RHBDL1: variants seen among roughly 807,000 people sequenced by gnomAD.
The protein encoded by RHBDL1 is rhomboid like 1.
In RHBDL1, 21 loss-of-function variants were observed where a neutral mutation model predicts 34.0. The observed-to-expected ratio is 0.62, with a 90% CI of 0.44 to 0.89. The LOEUF (loss-of-function observed/expected upper bound fraction) is 0.89, where lower values mean the gene tolerates loss of function less well. Among genes scored for constraint, RHBDL1 ranks in the 40% least tolerant of loss-of-function variants. RHBDL1 has a pLI of 0.00. For missense variants in RHBDL1, 450 were observed against 530.6 expected (o/e 0.85, Z 1.49); for synonymous variants, 268 against 234.8 (o/e 1.14, Z -1.29).
At position 676,011 on chromosome 16, in the gene RHBDL1, G is replaced by A. The variant is rs931622395; in HGVS notation, c.39+182G>A. On this transcript the variant is annotated intron_variant, in intron 1 of 7. Coordinates refer to ENST00000352681, the MANE Select transcript of RHBDL1 (RefSeq NM_001278720.2). The surrounding 1 kb of genome is among the most constrained non-coding windows in gnomAD (Gnocchi z 6.9). ...AGGACTGACTGGACCAGAGCTCCTGGCTGGAGAAGGGAGAGTCGGGGGGAG... is the reference window on the plus strand; with the variant it reads ...AGGACTGACTGGACCAGAGCTCCTGACTGGAGAAGGGAGAGTCGGGGGGAG... The A allele has an allele frequency of 3.5e-6, 5 of 1,430,920 alleles. No homozygotes were observed. Among genetic ancestry groups the A allele is most frequent in the South Asian group, 3.0e-5 (2 of 66,332 alleles). 88.6% of individuals were successfully genotyped at this position (1,430,920 alleles called of 1,614,324 possible). A position where few individuals can be genotyped will look rare whatever the true frequency, so the allele number is the denominator to read the frequency against.
At position 677,264 on chromosome 16, in the gene RHBDL1, C is replaced by T. The variant is rs774510854; in HGVS notation, c.576-12C>T. ...CCCCACCCTTCGTACCCGTTTGCTTCCCTGTGGCCAGGCTGGAGCAGCTGG... is the reference window on the plus strand; with the variant it reads ...CCCCACCCTTCGTACCCGTTTGCTTTCCTGTGGCCAGGCTGGAGCAGCTGG... On this transcript the variant is annotated splice_polypyrimidine_tract_variant and intron_variant, in intron 4 of 7. Coordinates refer to ENST00000352681, the MANE Select transcript of RHBDL1 (RefSeq NM_001278720.2). The T allele has an allele frequency of 6.4e-6, 10 of 1,560,846 alleles. No individual in the cohort carries two copies. The African/African-American group carries it at 1.4e-4, about 21-fold the overall frequency.
chr16:676,531 G>A lies in RHBDL1; in HGVS notation c.201+34G>A, dbSNP rs369021991. 31 of 1,570,702 alleles carry A rather than the reference G, an allele frequency of 2.0e-5. No homozygotes were observed. The highest frequency in any genetic ancestry group is 2.3e-5 in the Non-Finnish European group (27 of 1,161,938). ...CACGGTGGGCAGGCGGCAGGGGCACGGTGTCCTGGCCAGAGGAGGCGGGCA... is the reference window on the plus strand; with the variant it reads ...CACGGTGGGCAGGCGGCAGGGGCACAGTGTCCTGGCCAGAGGAGGCGGGCA... On this transcript the variant is annotated intron_variant, in intron 2 of 7. Transcript: ENST00000352681. The surrounding 1 kb of genome is among the most constrained non-coding windows in gnomAD (Gnocchi z 6.9).
Position 675,783 on chromosome 16 carries a change from C to A in RHBDL1, c.-8C>A. 1 of 1,473,112 alleles carries A rather than the reference C, an allele frequency of 6.8e-7. No individual in the cohort carries two copies. Among genetic ancestry groups the A allele is most frequent in the Non-Finnish European group, 9.0e-7 (1 of 1,113,434 alleles). The allele number at this position is 1,473,112 out of a possible 1,614,324, so 91.3% of individuals were successfully genotyped here. On this transcript the variant is annotated 5_prime_UTR_variant, in exon 1 of 8. Transcript: ENST00000352681. ...CCGACCCCGGACCCCGGCCCCCGGC[C>A]AGGCTCTATGGACAGGAGCTCGCTG...
Position 676,908 on chromosome 16 carries a change from G to A in RHBDL1, c.426+12G>A, listed in dbSNP as rs201549082. The A allele has an allele frequency of 2.8e-4, 458 of 1,611,450 alleles. No homozygotes were observed. The African/African-American group carries it at 5.5e-3, about 19-fold the overall frequency. On this transcript the variant is annotated intron_variant, in intron 3 of 7. Coordinates refer to ENST00000352681, the MANE Select transcript of RHBDL1 (RefSeq NM_001278720.2). This position sits in a 1 kb window ranked among gnomAD's most constrained non-coding sequence, Gnocchi z 6.9. ...TCACTCTTGCCCAGGTGGGCCCCCCGGCCGCTGCCCCGGGAGCCTCCCGCG... is the reference window on the plus strand; with the variant it reads ...TCACTCTTGCCCAGGTGGGCCCCCCAGCCGCTGCCCCGGGAGCCTCCCGCG...
In RHBDL1 at chr16:677,337, G is replaced by T. The variant is rs778393421; in HGVS notation, c.637G>T (p.Val213Leu). 10 of 1,576,250 alleles carry T rather than the reference G, an allele frequency of 6.3e-6. No individual in the cohort carries two copies. The highest frequency in any genetic ancestry group is 8.6e-6 in the Non-Finnish European group (10 of 1,161,768). Residue 213 changes from valine (V) to leucine (L), a missense_variant, in exon 5 of 8, where the codon GTG becomes TTG. Coordinates refer to ENST00000352681, the MANE Select transcript of RHBDL1 (RefSeq NM_001278720.2). ...QLMIGVPLEM[V>L]HGLLRISLLY... ...GATGATCGGGGTGCCCCTGGAGATGGTGCACGGCCTGCTCCGCATCAGCCT... is the reference window on the plus strand; with the variant it reads ...GATGATCGGGGTGCCCCTGGAGATGTTGCACGGCCTGCTCCGCATCAGCCT...
chr16:675,846 T>C lies in RHBDL1; in HGVS notation c.39+17T>C, dbSNP rs2039523550. On this transcript the variant is annotated intron_variant, in intron 1 of 7. Coordinates refer to ENST00000352681, the MANE Select transcript of RHBDL1 (RefSeq NM_001278720.2). ...CAGGAGCAGGTGCGTCGGGGGGTGG[T>C]CTGGGGAGCTGGCACCGCCCCCAAT... 5 of 1,509,708 alleles carry C rather than the reference T, an allele frequency of 3.3e-6. No individual in the cohort carries two copies. The highest frequency in any genetic ancestry group is 2.1e-5 in the Admixed American group (1 of 48,702). 93.5% of individuals were successfully genotyped at this position (1,509,708 alleles called of 1,614,324 possible). A position where few individuals can be genotyped will look rare whatever the true frequency, so the allele number is the denominator to read the frequency against.
chr16:677,423 G>C (rs752328955), intron 5 of RHBDL1, 35 bp downstream of exon 5: 2 of 1,576,876 alleles, frequency 1.3e-6, no homozygotes, highest in South Asian at 2.3e-5. Flanking sequence ...CCCTGCCCTG[G>C]CCGGCTGCAC....
chr16:677,348 G>T lies in RHBDL1; in HGVS notation c.648G>T (p.Leu216=). 1 of 1,576,272 alleles carries T rather than the reference G, an allele frequency of 6.3e-7. No individual in the cohort carries two copies. Among genetic ancestry groups the T allele is most frequent in the South Asian group, 1.2e-5 (1 of 86,774 alleles). Residue 216 remains leucine, a synonymous_variant, in exon 5 of 8, where the codon CTG becomes CTT. Transcript: ENST00000352681. ...TGCCCCTGGAGATGGTGCACGGCCT[G>T]CTCCGCATCAGCCTGCTCTACCTGG... The part of the protein sequence containing the change: ...IGVPLEMVHG[L]LRISLLYLAG...
chr16:677,803 C>T lies in RHBDL1; in HGVS notation c.873C>T (p.Ala291=), dbSNP rs376644538. The change falls in exon 8 of 8, where the codon GCC becomes GCT. Residue 291 remains alanine, a synonymous_variant. Transcript: ENST00000352681. The part of the protein sequence containing the change: ...LVCMSSEVGR[A]VWLRFSPPLP... The stretch of plus-strand genomic sequence containing the variant: ...CAGTGAGCTCCGAGGTGGGCCGGGC[C>T]GTGTGGCTGCGCTTCTCCCCGCCGC... 49 of 1,555,570 alleles carry T rather than the reference C, an allele frequency of 3.1e-5. 1 individual carries two copies. The African/African-American group carries it at 5.4e-4, about 17-fold the overall frequency.
chr16:675,794 G>A lies in RHBDL1; in HGVS notation c.4G>A (p.Asp2Asn). 1 of 1,507,346 alleles carries A rather than the reference G, an allele frequency of 6.6e-7. No individual in the cohort carries two copies. The highest frequency in any genetic ancestry group is 1.2e-5 in the South Asian group (1 of 80,674). 93.4% of individuals were successfully genotyped at this position (1,507,346 alleles called of 1,614,324 possible). A position where few individuals can be genotyped will look rare whatever the true frequency, so the allele number is the denominator to read the frequency against. MDRSSLLQLIQE... is the reference protein window; with the variant it reads MNRSSLLQLIQE... ...CCCCGGCCCCCGGCCAGGCTCTATG[G>A]ACAGGAGCTCGCTGCTGCAGCTCAT... The change falls in exon 1 of 8, where the codon GAC becomes AAC. Residue 2 changes from aspartate (D) to asparagine (N), a missense_variant. Coordinates refer to ENST00000352681, the MANE Select transcript of RHBDL1 (RefSeq NM_001278720.2).
At position 676,063 on chromosome 16, in the gene RHBDL1, C is replaced by T; in HGVS notation, c.39+234C>T. The T allele has an allele frequency of 3.5e-6, 5 of 1,435,020 alleles. No individual in the cohort carries two copies. Among genetic ancestry groups the T allele is most frequent in the Non-Finnish European group, 3.7e-6 (4 of 1,090,080 alleles). 88.9% of individuals were successfully genotyped at this position (1,435,020 alleles called of 1,614,324 possible). On this transcript the variant is annotated intron_variant, in intron 1 of 7. Transcript: ENST00000352681. This position sits in a 1 kb window ranked among gnomAD's most constrained non-coding sequence, Gnocchi z 6.9. ...GAGGGAGGGAGGGAGGGAGGGCGGG[C>T]AGCTGGCTGGTCTTGGACCTTGGCC...
rs1174401271 is a variant in RHBDL1, at chr16:676,524, G to C, written c.201+27G>C. On this transcript the variant is annotated intron_variant, in intron 2 of 7. Coordinates refer to ENST00000352681, the MANE Select transcript of RHBDL1 (RefSeq NM_001278720.2). The surrounding 1 kb of genome is among the most constrained non-coding windows in gnomAD (Gnocchi z 6.9). ...TCAGTGCCACGGTGGGCAGGCGGCA[G>C]GGGCACGGTGTCCTGGCCAGAGGAG... The C allele has an allele frequency of 1.3e-6, 2 of 1,571,970 alleles. No individual in the cohort carries two copies. Among genetic ancestry groups the C allele is most frequent in the South Asian group, 2.3e-5 (2 of 87,920 alleles).
chr16:675,684 AGCGGAGCGG>A lies in RHBDL1; in HGVS notation c.-95_-87del, dbSNP rs901134080. 3.1e-4 allele frequency: 139 copies of A among 445,984 alleles called. No individual in the cohort carries two copies. The highest frequency in any genetic ancestry group is 3.0e-3 in the Middle Eastern group (4 of 1,332). The allele number at this position is 445,984 out of a possible 1,614,324, so 27.6% of individuals were successfully genotyped here. On this transcript the variant is annotated 5_prime_UTR_variant, in exon 1 of 8. Transcript: ENST00000352681. ...GTGACGCGGCCCAAGCGCGGCGCCG[AGCGGAGCGG>A]GCGGAGCGGGCCGGCTGGGGCGGAG...
Position 676,208 on chromosome 16 carries a change from C to T in RHBDL1, c.40-128C>T, listed in dbSNP as rs1166804080. 3 of 1,534,872 alleles carry T rather than the reference C, an allele frequency of 2.0e-6. No individual in the cohort carries two copies. The highest frequency in any genetic ancestry group is 1.2e-5 in the South Asian group (1 of 82,828). On this transcript the variant is annotated intron_variant, in intron 1 of 7. Transcript: ENST00000352681. The surrounding 1 kb of genome is among the most constrained non-coding windows in gnomAD (Gnocchi z 6.9). ...ATCAAGCAGGGTCCCAGGGAACAGACAGGCACGGGGCCCCTGTCCCAAAAG... is the reference window on the plus strand; with the variant it reads ...ATCAAGCAGGGTCCCAGGGAACAGATAGGCACGGGGCCCCTGTCCCAAAAG...
Position 677,875 on chromosome 16 carries a change from C to A in RHBDL1, c.945C>A (p.Gly315=). 6.3e-7 allele frequency: 1 copy of A among 1,597,412 alleles called. No homozygotes were observed. Residue 315 remains glycine (G), a synonymous_variant, in exon 8 of 8, where the codon GGC becomes GGA. Transcript: ENST00000352681. ...CCAGCTTCATGGCGCACCTGGCAGGCGCGGTGGTGGGGGTGAGCATGGGCC... is the reference window on the plus strand; with the variant it reads ...CCAGCTTCATGGCGCACCTGGCAGGAGCGGTGGTGGGGGTGAGCATGGGCC... ...PQPSFMAHLA[G]AVVGVSMGLT...
rs372057727 is a variant in RHBDL1 at position 676,370 on chromosome 16, C to T, written c.74C>T (p.Ala25Val). Residue 25 changes from alanine to valine, a missense_variant, in exon 2 of 8, where the codon GCG (alanine) becomes GTG (valine). Coordinates refer to ENST00000352681, the MANE Select transcript of RHBDL1 (RefSeq NM_001278720.2). The surrounding 1 kb of genome is among the most constrained non-coding windows in gnomAD (Gnocchi z 6.9). ...CCCGAGAACACAGGCTTCATCGGTG[C>T]GGACACCTTCACTGGCCTGGTGCAC... ...LDPENTGFIG[A>V]DTFTGLVHSH... 61 of 1,609,718 alleles carry T rather than the reference C, an allele frequency of 3.8e-5. No individual in the cohort carries two copies. The highest frequency in any genetic ancestry group is 3.3e-4 in the Middle Eastern group (2 of 6,064).
At chr16:677,148 C>T (rs762997496) in intron 4 of RHBDL1, 29 bp downstream of exon 4, 79 of 1,584,888 alleles carry the variant, frequency 5.0e-5, no homozygotes, top group Middle Eastern at 1.7e-4. Context: ...CGGTGAGCCC[C>T]GCCCCAACCT....
At position 677,975 on chromosome 16, in the gene RHBDL1, A is replaced by G. The variant is rs758963683; in HGVS notation, c.1045A>G (p.Thr349Ala). Residue 349 changes from threonine to alanine, a missense_variant, in exon 8 of 8, where the codon ACC becomes GCC. Coordinates refer to ENST00000352681, the MANE Select transcript of RHBDL1 (RefSeq NM_001278720.2). ...GTGGGTGGTGCTGCTGGCCTACGGC[A>G]CCTTCCTGCTCTTCGCCGTCTTCTG... Reference protein sequence around the residue: ...GWWVVLLAYGTFLLFAVFWNV... With the variant: ...GWWVVLLAYGAFLLFAVFWNV... 2 of 1,602,142 alleles carry G rather than the reference A, an allele frequency of 1.2e-6. No homozygotes were observed. The highest frequency in any genetic ancestry group is 2.2e-5 in the East Asian group (1 of 44,804).
Position 678,022 on chromosome 16 carries a change from G to A in RHBDL1, c.1092G>A (p.Leu364=), listed in dbSNP as rs1449779122. Residue 364 remains leucine (L), a synonymous_variant, in exon 8 of 8, where the codon CTG becomes CTA. Transcript: ENST00000352681. ...AVFWNVFAYD[L]LGAHIPPPP is the part of the protein sequence containing the mutation. ...TCTGGAACGTCTTCGCCTACGACCT[G>A]CTGGGCGCCCACATCCCCCCACCGC... 1 of 1,584,974 alleles carries A rather than the reference G, an allele frequency of 6.3e-7. No homozygotes were observed. Among genetic ancestry groups the A allele is most frequent in the Non-Finnish European group, 8.5e-7 (1 of 1,171,342 alleles).
Sources: gnomAD v4.1 joint callset for allele counts on GRCh38, gnomAD v4.1.1 for gene constraint, Gnocchi (gnomAD v3.1) non-coding constraint, MANE v1.5 for transcripts, NCBI Gene and HGNC (gene_info 2026-07-23, HGNC 2026-07-21) for gene names.